FAM83B: variants seen among roughly 807,000 people sequenced by gnomAD.
FAM83B encodes the protein protein FAM83B.
In FAM83B, 26 loss-of-function variants were observed where a neutral mutation model predicts 38.8. The ratio of observed to expected loss-of-function variants is 0.67; its 90% confidence interval spans 0.49 to 0.93. The LOEUF is 0.93. Ranked by LOEUF, FAM83B falls within the 40% of genes least tolerant of loss-of-function variation. The pLI is 0.00. For missense variants in FAM83B, 1,237 were observed against 1,197.3 expected (o/e 1.03, Z -0.49); for synonymous variants, 419 against 423.1 (o/e 0.99, Z 0.12).
intron 2 of FAM83B, among the ~76,000 whole-genome samples, chr6:54,911,558 T>C (rs1408656620): frequency 6.6e-6 from 1 of 152,108 alleles, no homozygotes; most frequent in African/African-American, 2.4e-5. Flanking sequence ...GATGACACAA[T>C]ACTTTGGGCC....
chr6:54,938,591 G>T (rs1773578321), intron 4 of FAM83B, among the ~76,000 whole-genome samples: 1 of 151,894 alleles, frequency 6.6e-6, no homozygotes, highest in Admixed American at 6.6e-5. Flanking sequence ...CTCATTGTGG[G>T]CTTAATTTGC....
intron 2 of FAM83B, among the ~76,000 whole-genome samples, chr6:54,885,037 G>T (rs1339246835): frequency 1.3e-5 from 2 of 152,136 alleles, no homozygotes; most frequent in East Asian, 3.8e-4. Context: ...CTCCCAAAGT[G>T]CTGGGATTAC....
chr6:54,941,610 G>A lies in FAM83B; in HGVS notation c.2639G>A (p.Arg880Lys), dbSNP rs1313830399. Residue 880 changes from arginine to lysine, a missense_variant, in exon 5 of 5, where the codon AGG becomes AAG. By Grantham distance (26) the Arg-to-Lys change is conservative (BLOSUM62 2). Coordinates refer to ENST00000306858, the MANE Select transcript of FAM83B (RefSeq NM_001010872.3). ...PGPVESKFLERAGDASAPRFN... is the reference protein window; with the variant it reads ...PGPVESKFLEKAGDASAPRFN... ...CCAGTTGAAAGCAAGTTCTTGGAAA[G>A]GGCAGGAGATGCCTCTGCCCCAAGA... 2 of 1,613,988 alleles carry A rather than the reference G, an allele frequency of 1.2e-6. No homozygotes were observed. The highest frequency in any genetic ancestry group is 1.3e-5 in the African/African-American group (1 of 74,920).
chr6:54,930,153 T>C (rs1408896190), intron 4 of FAM83B, among the ~76,000 whole-genome samples: 2 of 152,170 alleles, frequency 1.3e-5, no homozygotes, highest in Non-Finnish European at 2.9e-5. Context: ...GAAGTCCAGG[T>C]CTACATTATT....
intron 2 of FAM83B, among the ~76,000 whole-genome samples, chr6:54,883,465 G>C (rs1772187871): frequency 1.3e-5 from 2 of 151,408 alleles, no homozygotes; most frequent in African/African-American, 4.9e-5. Context: ...CTCCCGAGTA[G>C]CTGGGATTAC....
chr6:54,867,728 C>T (rs1021456449), intron 1 of FAM83B, among the ~76,000 whole-genome samples: 1 of 151,990 alleles, frequency 6.6e-6, no homozygotes, highest in Non-Finnish European at 1.5e-5. Context: ...GAATTTTTTA[C>T]AGTTCCAAAA....
intron 2 of FAM83B, among the ~76,000 whole-genome samples, chr6:54,904,133 G>A (rs1018113912): frequency 6.6e-6 from 1 of 151,822 alleles, no homozygotes; most frequent in Non-Finnish European, 1.5e-5. Flanking sequence ...TTGCTCAATT[G>A]TTAAGTTATG....
intron 1 of FAM83B, among the ~76,000 whole-genome samples, chr6:54,861,392 CA>C (rs1262046901): frequency 1.3e-5 from 2 of 151,952 alleles, no homozygotes; most frequent in African/African-American, 4.8e-5. Flanking sequence ...CTGGCTCTAC[CA>C]AAAATACAAA....
At chr6:54,932,158 G>A (rs949330060) in intron 4 of FAM83B, among the ~76,000 whole-genome samples, 21 of 151,764 alleles carry the variant, frequency 1.4e-4, no homozygotes, top group Non-Finnish European at 2.9e-4. Flanking sequence ...TTACAGGTGT[G>A]CACCACCACG....
At chr6:54,862,123 C>T (rs538362512) in intron 1 of FAM83B, among the ~76,000 whole-genome samples, 1 of 152,288 alleles carries the variant, frequency 6.6e-6, no homozygotes, top group East Asian at 1.9e-4. Flanking sequence ...TGTACTCAGG[C>T]ACCAGTTTCC....
chr6:54,918,839 C>CAGCAA (rs1773104867), intron 2 of FAM83B, among the ~76,000 whole-genome samples: 1 of 152,104 alleles, frequency 6.6e-6, no homozygotes, highest in Non-Finnish European at 1.5e-5. Flanking sequence ...GCATTGCCTC[C>CAGCAA]TCTCTGTCTT....
intron 2 of FAM83B, among the ~76,000 whole-genome samples, chr6:54,872,043 A>T (rs909438024): frequency 3.3e-5 from 5 of 152,160 alleles, no homozygotes; most frequent in African/African-American, 1.2e-4. Flanking sequence ...AGTGTTCTGA[A>T]GCTAATGTCA....
intron 2 of FAM83B, among the ~76,000 whole-genome samples, chr6:54,905,356 A>G (rs1374808418): frequency 6.6e-6 from 1 of 152,112 alleles, no homozygotes; most frequent in East Asian, 1.9e-4. Context: ...TAAATTATGA[A>G]CCTGAAACTT....
At chr6:54,848,733 A>G (rs1771198036) in intron 1 of FAM83B, among the ~76,000 whole-genome samples, 1 of 152,200 alleles carries the variant, frequency 6.6e-6, no homozygotes, top group African/African-American at 2.4e-5. Flanking sequence ...AGTTGCCAAA[A>G]TGTAATGTTA....
intron 1 of FAM83B, among the ~76,000 whole-genome samples, chr6:54,864,105 T>C (rs1771648572): frequency 6.6e-6 from 1 of 152,214 alleles, no homozygotes; most frequent in African/African-American, 2.4e-5. Context: ...AATAAATGCT[T>C]CCAAATGACA....
rs1427187577 is a variant in FAM83B, at chr6:54,880,662, C to T, written c.444+9972C>T. ...GTTTCACCATGTTGGTCAGGCTGAT[C>T]TCAAACTCCTGACCTCGTGATCTGT... On this transcript the variant is annotated intron_variant, in intron 2 of 4. Coordinates refer to ENST00000306858, the MANE Select transcript of FAM83B (RefSeq NM_001010872.3). Among the ~76,000 whole-genome samples the T allele has an allele frequency of 2.6e-5, 4 of 152,090 alleles. No homozygotes were observed. In the South Asian group the frequency reaches 8.3e-4, roughly 31 times the overall value.
At chr6:54,894,488 C>T (rs777038635) in intron 2 of FAM83B, among the ~76,000 whole-genome samples, 2 of 152,062 alleles carry the variant, frequency 1.3e-5, no homozygotes, top group African/African-American at 2.4e-5. Context: ...CACACTCATG[C>T]CATACAAAAT....
Position 54,943,976 on chromosome 6 carries a change from A to G in FAM83B, c.*1969A>G, listed in dbSNP as rs562260658. 6.6e-6 allele frequency: 1 copy of G among 152,302 alleles called. No homozygotes were observed. Among genetic ancestry groups the G allele is most frequent in the East Asian group, 1.9e-4 (1 of 5,186 alleles). 9.4% of individuals were successfully genotyped at this position (152,302 alleles called of 1,614,324 possible). On this transcript the variant is annotated 3_prime_UTR_variant, in exon 5 of 5. Transcript: ENST00000306858. ...GAGCTCTTCCTCTTCAGTGGAATTG[A>G]GGAATACAGAATGCTTTATTTCATC...
intron 2 of FAM83B, among the ~76,000 whole-genome samples, chr6:54,899,862 A>G (rs239844): frequency 0.2 from 30,337 of 152,088 alleles, 3,445 homozygotes; most frequent in African/African-American, 0.31. Context: ...TGTTGTTCAC[A>G]TGTTCATTTT....
Sources: gnomAD v4.1 joint callset for allele counts (sites outside exome capture counted in the v4.1 genomes callset) on GRCh38, gnomAD v4.1.1 for gene constraint, MANE v1.5 for transcripts, NCBI Gene and HGNC (gene_info 2026-07-23, HGNC 2026-07-21) for gene names.